PER3: variants seen among roughly 807,000 people sequenced by gnomAD.
PER3 encodes period circadian protein homolog 3.
In PER3, 107 loss-of-function variants were observed where a neutral mutation model predicts 127.2. The observed-to-expected ratio is 0.84, with a 90% CI of 0.72 to 0.99. The LOEUF is 0.99. PER3 is among the 50% of genes least tolerant of loss of function. The pLI, the probability that PER3 is intolerant of heterozygous loss-of-function variation, is 0.00. For missense variants in PER3, 1,560 were observed against 1,525.8 expected (o/e 1.02, Z -0.37); for synonymous variants, 618 against 585.8 (o/e 1.05, Z -0.79).
intron 21 of PER3, among the ~76,000 whole-genome samples, chr1:7,840,390 T>A (rs982574593): frequency 6.6e-6 from 1 of 151,724 alleles, no homozygotes; most frequent in Non-Finnish European, 1.5e-5. Flanking sequence ...TGCAGTGGCA[T>A]GATCATGGCT....
chr1:7,798,837 T>C (rs1488624644), intron 7 of PER3, among the ~76,000 whole-genome samples, 164 bp downstream of exon 7: 2 of 152,256 alleles, frequency 1.3e-5, no homozygotes, highest in Admixed American at 6.5e-5. Flanking sequence ...CTCTGTTTAC[T>C]GACTTTTAGC....
intron 12 of PER3, 161 bp downstream of exon 12, chr1:7,810,182 G>A: frequency 2.7e-6 from 2 of 745,336 alleles, no homozygotes; most frequent in East Asian, 5.2e-5. Context: ...TCTGTAAAAA[G>A]AAAATATCAC....
intron 20 of PER3, 44 bp downstream of exon 20, chr1:7,835,989 T>C (rs2097356393): frequency 7.6e-7 from 1 of 1,321,740 alleles, no homozygotes; most frequent in Non-Finnish European, 1.1e-6. Flanking sequence ...ATTTTTGTGG[T>C]TTCTTTTTTT....
chr1:7,787,174 A>C, intron 4 of PER3: 1 of 541,192 alleles, frequency 1.8e-6, no homozygotes, highest in Non-Finnish European at 2.5e-6. Flanking sequence ...CCGAATTGTT[A>C]ATTTCTATTT....
chr1:7,838,801 CTTT>C (rs768922000), intron 21 of PER3, among the ~76,000 whole-genome samples: 5 of 152,136 alleles, frequency 3.3e-5, no homozygotes, highest in Non-Finnish European at 7.4e-5. Context: ...CATGTAGTAA[CTTT>C]TTACATCCTT....
intron 8 of PER3, among the ~76,000 whole-genome samples, chr1:7,802,060 A>G (rs1424267472): frequency 6.6e-6 from 1 of 152,238 alleles, no homozygotes; most frequent in Non-Finnish European, 1.5e-5. Flanking sequence ...ATTCAGCTAA[A>G]TATAATTCTA....
Position 7,820,536 on chromosome 1 carries a change from G to T in PER3, c.1853G>T (p.Gly618Val), listed in dbSNP as rs774181763. 21 of 1,614,008 alleles carry T rather than the reference G, an allele frequency of 1.3e-5. No individual in the cohort carries two copies. In the South Asian group the frequency reaches 2.2e-4, roughly 17 times the overall value. The change falls in exon 16 of 22, where the codon GGA (glycine) becomes GTA (valine). Residue 618 changes from glycine to valine, a missense_variant. Transcript: ENST00000377532. Reference sequence around the variant, plus strand: ...AATGGACGGTCCATAGACACAGGAGGAGGAGCTCCACAGATCCTGTCCACG... The same window carrying T: ...AATGGACGGTCCATAGACACAGGAGTAGGAGCTCCACAGATCCTGTCCACG... ...PTNGRSIDTGGGAPQILSTAM... is the reference protein window; with the variant it reads ...PTNGRSIDTGVGAPQILSTAM...
chr1:7,827,877 G>T, intron 18 of PER3, 62 bp downstream of exon 18: 1 of 1,315,314 alleles, frequency 7.6e-7, no homozygotes, highest in Non-Finnish European at 1.1e-6. Context: ...AAGTTAAGGT[G>T]GTTGCGTTGG....
intron 21 of PER3, 43 bp downstream of exon 21, chr1:7,837,192 G>A (rs369427844): frequency 4.8e-5 from 75 of 1,552,176 alleles, no homozygotes; most frequent in Non-Finnish European, 6.2e-5. Context: ...ATGTATTTTG[G>A]CCAGGTAGTG....
intron 21 of PER3, among the ~76,000 whole-genome samples, chr1:7,838,311 A>C (rs941691201): frequency 1.3e-5 from 2 of 151,978 alleles, no homozygotes; most frequent in African/African-American, 2.4e-5. Flanking sequence ...CATCTCCAGA[A>C]CTCTCTTCAT....
At chr1:7,819,031 TTTCA>T (rs1468868568) in intron 13 of PER3, among the ~76,000 whole-genome samples, 1 of 152,256 alleles carries the variant, frequency 6.6e-6, no homozygotes, top group Admixed American at 6.5e-5. Flanking sequence ...GAAATTTTTG[TTTCA>T]TTCCTTATTT....
At chr1:7,802,084 TC>T (rs2097173127) in intron 8 of PER3, among the ~76,000 whole-genome samples, 1 of 152,188 alleles carries the variant, frequency 6.6e-6, no homozygotes, top group African/African-American at 2.4e-5. Flanking sequence ...ATAGCTTAAA[TC>T]TCTTGTATTA....
At chr1:7,828,950 T>A (rs1462302557) in intron 18 of PER3, among the ~76,000 whole-genome samples, 1 of 152,162 alleles carries the variant, frequency 6.6e-6, no homozygotes, top group African/African-American at 2.4e-5. Context: ...AAAAAAAAAC[T>A]ACTTGTGGGG....
Position 7,826,616 on chromosome 1 carries a change from T to C in PER3, c.2094T>C (p.Tyr698=), listed in dbSNP as rs757953386. ...ACACCCAGAAGGAAGAGCAGAATTA[T>C]GTTGATAAATTCCGAGAAAAGATCC... ...SAHTQKEEQN[Y]VDKFREKILS... Residue 698 remains tyrosine, a synonymous_variant, in exon 17 of 22, where the codon TAT becomes TAC. Coordinates refer to ENST00000377532, the MANE Select transcript of PER3 (RefSeq NM_001377275.1). The surrounding 1 kb of genome is among the most constrained non-coding windows in gnomAD (Gnocchi z 4.2). 2.5e-5 allele frequency: 41 copies of C among 1,613,588 alleles called. No homozygotes were observed. Among genetic ancestry groups the C allele is most frequent in the East Asian group, 1.1e-4 (5 of 44,872 alleles).
Position 7,801,277 on chromosome 1 carries a change from T to C in PER3, c.872+86T>C, listed in dbSNP as rs1011047557. On this transcript the variant is annotated intron_variant, in intron 8 of 21. Coordinates refer to ENST00000377532, the MANE Select transcript of PER3 (RefSeq NM_001377275.1). ...AGATTACATTATGTTTGCATGTTTA[T>C]ACATTATGTAATTGAAATCTGTCCA... The C allele has an allele frequency of 3.8e-4, 292 of 775,560 alleles. 2 individuals carry two copies. The highest frequency in any genetic ancestry group is 4.2e-4 in the Admixed American group (17 of 40,280). The allele number at this position is 775,560 out of a possible 1,614,324, so 48.0% of individuals were successfully genotyped here. A position where few individuals can be genotyped will look rare whatever the true frequency, so the allele number is the denominator to read the frequency against.
rs778234306 is a variant in PER3 at position 7,842,734 on chromosome 1, T to A, written c.3612T>A (p.Val1204=). 1 of 1,613,458 alleles carries A rather than the reference T, an allele frequency of 6.2e-7. No homozygotes were observed. Among genetic ancestry groups the A allele is most frequent in the South Asian group, 1.1e-5 (1 of 91,044 alleles). ...GTGCGGCCACATCCTGTGGTCAGGT[T>A]CTGGTAGAAGACAGCTGTTGAGTGA... is the stretch of plus-strand genomic sequence containing the variant. The part of the protein sequence containing the change: ...ADGAATSCGQ[V]LVEDSC The change falls in exon 22 of 22, where the codon GTT becomes GTA. Residue 1204 remains valine (V), a synonymous_variant. Transcript: ENST00000377532.
In PER3 at chr1:7,826,595, C is replaced by T. The variant is rs557502363; in HGVS notation, c.2073C>T (p.Thr691=). 2.4e-5 allele frequency: 39 copies of T among 1,612,500 alleles called. 1 individual carries two copies. In the South Asian group the frequency reaches 4.3e-4, roughly 18 times the overall value. ...CAGCGGCTGTTCTGTCAGCGCACAC[C>T]CAGAAGGAAGAGCAGAATTATGTTG... ...GLTAAVLSAH[T]QKEEQNYVDK... The change falls in exon 17 of 22, where the codon ACC becomes ACT. Residue 691 remains threonine, a synonymous_variant. Transcript: ENST00000377532. This position sits in a 1 kb window ranked among gnomAD's most constrained non-coding sequence, Gnocchi z 4.2.
In PER3 at chr1:7,803,778, A is replaced by G; in HGVS notation, c.1066A>G (p.Ser356Gly). ...CGGAGACTACATCATACTGGATTCCAGTTGGTCCAGCTTTGTGAATCCCTG... is the reference window on the plus strand; with the variant it reads ...CGGAGACTACATCATACTGGATTCCGGTTGGTCCAGCTTTGTGAATCCCTG... Reference protein sequence around the residue: ...QNGDYIILDSSWSSFVNPWSR... With the variant: ...QNGDYIILDSGWSSFVNPWSR... The change falls in exon 10 of 22, where the codon AGT becomes GGT. Residue 356 changes from serine to glycine, a missense_variant. Ser to Gly is a moderately conservative substitution (Grantham distance 56, BLOSUM62 0). This residue lies in a region of PER3 where 1,332 missense variants were observed against 1,223.6 expected (regional missense o/e 1.09). Coordinates refer to ENST00000377532, the MANE Select transcript of PER3 (RefSeq NM_001377275.1). The G allele has an allele frequency of 6.2e-7, 1 of 1,613,288 alleles. No homozygotes were observed. The highest frequency in any genetic ancestry group is 8.5e-7 in the Non-Finnish European group (1 of 1,179,218).
chr1:7,808,918 G>C lies in PER3; in HGVS notation c.1162G>C (p.Ala388Pro). The change falls in exon 11 of 22, where the codon GCT becomes CCT. Residue 388 changes from alanine to proline, a missense_variant. Physicochemically the swap from Ala to Pro is conservative, Grantham distance 27. Coordinates refer to ENST00000377532, the MANE Select transcript of PER3 (RefSeq NM_001377275.1). ...RTSPLNEDVF[A>P]TKIKKMNDND... Reference sequence around the variant, plus strand: ...GAGCCCACTAAATGAGGATGTTTTTGCTACCAAAATTAAAAAGATGAACGA... The same window carrying C: ...GAGCCCACTAAATGAGGATGTTTTTCCTACCAAAATTAAAAAGATGAACGA... 2 of 1,597,406 alleles carry C rather than the reference G, an allele frequency of 1.3e-6. No homozygotes were observed. The highest frequency in any genetic ancestry group is 1.7e-6 in the Non-Finnish European group (2 of 1,165,928).
Sources: allele counts gnomAD v4.1 joint callset (sites outside exome capture counted in the v4.1 genomes callset), GRCh38; gene constraint gnomAD v4.1.1; regional missense constraint gnomAD v4.1.1; non-coding constraint Gnocchi (gnomAD v3.1); transcripts MANE v1.5; gene names NCBI Gene and HGNC (gene_info 2026-07-23, HGNC 2026-07-21).